Variants in UBL7 observed in about 807,000 individuals in gnomAD.
UBL7 encodes ubiquitin like 7.
Under a neutral mutation model 41.7 loss-of-function variants are expected in UBL7, and 21 were observed. The ratio of observed to expected loss-of-function variants is 0.50; its 90% CI spans 0.36 to 0.73. The LOEUF is 0.73. Among genes scored for constraint, UBL7 ranks in the 30% least tolerant of loss-of-function variants. The pLI is 0.00. For missense variants in UBL7, 403 were observed against 478.4 expected (o/e 0.84, Z 1.47); for synonymous variants, 157 against 186.9 (o/e 0.84, Z 1.31).
At chr15:74,447,225 C>T (rs1052693271) in intron 10 of UBL7, among the ~76,000 whole-genome samples, 5 of 152,210 alleles carry the variant, frequency 3.3e-5, no homozygotes, top group African/African-American at 4.8e-5. Flanking sequence ...TGAACCCTAT[C>T]GTTACGACTT....
At chr15:74,457,568 TAC>T (rs1199299161) in intron 2 of UBL7, among the ~76,000 whole-genome samples, 2 of 134,420 alleles carry the variant, frequency 1.5e-5, no homozygotes, top group Admixed American at 1.6e-4. Flanking sequence ...TATATATATA[TAC>T]ACACATACAC....
chr15:74,449,487 T>C, intron 8 of UBL7, 134 bp from the exon 9 acceptor site: 1 of 1,535,932 alleles, frequency 6.5e-7, no homozygotes, highest in Non-Finnish European at 8.9e-7. Context: ...AAAGCAGAAA[T>C]AGTATGACAT....
intron 2 of UBL7, among the ~76,000 whole-genome samples, chr15:74,457,863 A>C (rs2061309692): frequency 6.6e-6 from 1 of 152,190 alleles, no homozygotes; most frequent in Non-Finnish European, 1.5e-5. Context: ...AACCCAATCC[A>C]GGTATGACTG....
intron 2 of UBL7, among the ~76,000 whole-genome samples, chr15:74,457,552 GAAAT>G (rs1225644665): frequency 8.0e-6 from 1 of 125,290 alleles, no homozygotes; most frequent in Non-Finnish European, 1.6e-5. Context: ...CAAAAAAAAA[GAAAT>G]ATATATATAT....
rs569444713 is a variant in UBL7, at chr15:74,447,653, G to T, written c.1005+825C>A. Among the ~76,000 whole-genome samples the T allele has an allele frequency of 2.4e-3, 368 of 152,254 alleles. 2 individuals are homozygous for T. The highest frequency in any genetic ancestry group is 0.017 in the Middle Eastern group (5 of 294). ...GCCCAGGAAGTTGAGGCTACAGTAA[G>T]TTGTGATCACACCACTGTACTCCAG... is the stretch of plus-strand genomic sequence containing the variant. On this transcript the variant is annotated intron_variant, in intron 10 of 10. Transcript: ENST00000395081.
intron 4 of UBL7, among the ~76,000 whole-genome samples, chr15:74,452,002 A>T (rs2061250851): frequency 6.6e-6 from 1 of 152,226 alleles, no homozygotes; most frequent in African/African-American, 2.4e-5. Flanking sequence ...GTAAGCAGGC[A>T]GTTCAGCCAA....
chr15:74,458,156 A>C (rs1424858638), intron 2 of UBL7, among the ~76,000 whole-genome samples: 1 of 152,074 alleles, frequency 6.6e-6, no homozygotes, highest in African/African-American at 2.4e-5. Flanking sequence ...GTTGGCCAGG[A>C]GCGGTGGCTC....
At chr15:74,458,437 A>T (rs887849095) in intron 2 of UBL7, among the ~76,000 whole-genome samples, 3 of 152,232 alleles carry the variant, frequency 2.0e-5, no homozygotes, top group Non-Finnish European at 1.5e-5. Context: ...AAAAACAAAA[A>T]CAAAAAACAA....
intron 4 of UBL7, 110 bp downstream of exon 4, chr15:74,452,186 A>C: frequency 8.8e-7 from 1 of 1,133,538 alleles, no homozygotes; most frequent in Non-Finnish European, 1.3e-6. Flanking sequence ...TCCCCAAGGA[A>C]CTCTTGGTTG....
chr15:74,447,694 G>A (rs2141308891), intron 10 of UBL7, among the ~76,000 whole-genome samples: 1 of 152,214 alleles, frequency 6.6e-6, no homozygotes, highest in East Asian at 1.9e-4. Context: ...GTGACAGAGT[G>A]ACACCCTGTC....
chr15:74,457,835 AAAC>A (rs140909931), intron 2 of UBL7, among the ~76,000 whole-genome samples: 3 of 152,286 alleles, frequency 2.0e-5, no homozygotes, highest in African/African-American at 7.2e-5. Context: ...ATCAATGGAA[AAAC>A]AACAAAATAG....
In UBL7 at chr15:74,449,685, G is replaced by C. The variant is rs1236243881; in HGVS notation, c.665-10C>G. On this transcript the variant is annotated splice_polypyrimidine_tract_variant and intron_variant, in intron 7 of 10. Transcript: ENST00000395081. Reference sequence around the variant, plus strand: ...TCAAACAGGAAGCCACCTGGAGGAGGACGAACAGATTTCAGGAGGAAGAAC... The same window carrying C: ...TCAAACAGGAAGCCACCTGGAGGAGCACGAACAGATTTCAGGAGGAAGAAC... The C allele has an allele frequency of 6.2e-7, 1 of 1,613,984 alleles. No individual in the cohort carries two copies. The highest frequency in any genetic ancestry group is 1.3e-5 in the African/African-American group (1 of 74,892).
rs372550968 is a variant in UBL7, at chr15:74,446,197, G to A, written c.1036C>T (p.Arg346Cys). ...SQWQPQLQQLRDMGIQDDELS... is the reference protein window; with the variant it reads ...SQWQPQLQQLCDMGIQDDELS... Reference sequence around the variant, plus strand: ...TCATCGTCCTGGATGCCCATGTCACGTAGCTGCTGCAGCTGGGGCTGCCAC... The same window carrying A: ...TCATCGTCCTGGATGCCCATGTCACATAGCTGCTGCAGCTGGGGCTGCCAC... Residue 346 changes from arginine to cysteine, a missense_variant, in exon 11 of 11, where the codon CGT becomes TGT. Physicochemically the swap from Arg to Cys is radical, Grantham distance 180 (BLOSUM62 -3). Transcript: ENST00000395081. This position sits in a 1 kb window ranked among gnomAD's most constrained non-coding sequence, Gnocchi z 4.1. The A allele has an allele frequency of 2.8e-5, 45 of 1,613,802 alleles. No homozygotes were observed. Among genetic ancestry groups the A allele is most frequent in the East Asian group, 6.7e-5 (3 of 44,892 alleles).
chr15:74,457,221 C>G (rs1009379616), intron 2 of UBL7, among the ~76,000 whole-genome samples: 2 of 152,136 alleles, frequency 1.3e-5, no homozygotes, highest in African/African-American at 4.8e-5. Context: ...ACTTTTGGAG[C>G]CTGGCCGACA....
At chr15:74,453,007 C>G (rs1198370401) in intron 3 of UBL7, among the ~76,000 whole-genome samples, 1 of 152,164 alleles carries the variant, frequency 6.6e-6, no homozygotes, top group African/African-American at 2.4e-5. Flanking sequence ...CCACCGTGCC[C>G]AGCCCTGGGT....
intron 10 of UBL7, among the ~76,000 whole-genome samples, chr15:74,447,644 C>T (rs1480988191): frequency 6.6e-6 from 1 of 152,110 alleles, no homozygotes; most frequent in East Asian, 1.9e-4. Context: ...GAAGTTGAGG[C>T]TACAGTAAGT....
At chr15:74,452,000 G>T (rs2061250732) in intron 4 of UBL7, among the ~76,000 whole-genome samples, 1 of 152,160 alleles carries the variant, frequency 6.6e-6, no homozygotes, top group African/African-American at 2.4e-5. Context: ...CAGTAAGCAG[G>T]CAGTTCAGCC....
intron 10 of UBL7, among the ~76,000 whole-genome samples, chr15:74,447,536 T>A (rs1327417726): frequency 6.6e-6 from 1 of 151,650 alleles, no homozygotes; most frequent in Non-Finnish European, 1.5e-5. Context: ...GACCCCCCCA[T>A]CTCTACAAAA....
At chr15:74,449,793 C>T in intron 7 of UBL7, 118 bp from the exon 8 acceptor site, 1 of 1,545,574 alleles carries the variant, frequency 6.5e-7, no homozygotes. Flanking sequence ...CGGAAAATTA[C>T]AGGACAGATG....
Sources: gnomAD v4.1 joint callset for allele counts (sites outside exome capture counted in the v4.1 genomes callset) on GRCh38, gnomAD v4.1.1 for gene constraint, Gnocchi (gnomAD v3.1) non-coding constraint, MANE v1.5 for transcripts, NCBI Gene and HGNC (gene_info 2026-07-23, HGNC 2026-07-21) for gene names.